The following FBLN7 variants were observed in gnomAD, a reference collection of about 807,000 sequenced individuals.
The protein encoded by FBLN7 is fibulin 7.
A neutral mutation model predicts 44.0 loss-of-function variants in FBLN7; 31 were observed. That is an observed-to-expected ratio of 0.70 (90% CI 0.53 to 0.95). The LOEUF (loss-of-function observed/expected upper bound fraction) is 0.95, where lower values mean the gene tolerates loss of function less well. Ranked by LOEUF, FBLN7 falls within the 40% of genes least tolerant of loss-of-function variation. FBLN7 has a pLI of 0.00. For synonymous variants in FBLN7, 262 were observed against 253.4 expected (o/e 1.03, Z -0.32); for missense variants, 573 against 618.5 (o/e 0.93, Z 0.78).
the FBLN7 span, among the ~76,000 whole-genome samples, chr2:112,235,500 C>G: frequency 6.6e-6 from 1 of 152,166 alleles, no homozygotes; most frequent in Middle Eastern, 3.2e-3. Flanking sequence ...TCAGATTCCT[C>G]ATTCATAAAA....
chr2:112,226,282 A>T, the FBLN7 span, among the ~76,000 whole-genome samples: 3 of 151,852 alleles, frequency 2.0e-5, no homozygotes, highest in Non-Finnish European at 2.9e-5. Flanking sequence ...TGAATCTGTT[A>T]TGTAAAATCT....
At chr2:112,227,953 T>C in the FBLN7 span, among the ~76,000 whole-genome samples, 1 of 151,854 alleles carries the variant, frequency 6.6e-6, no homozygotes, top group African/African-American at 2.4e-5. Flanking sequence ...TTAAAACTTA[T>C]ATGGAAAAGC....
the FBLN7 span, chr2:112,231,821 T>C: frequency 2.4e-5 from 35 of 1,475,556 alleles, 1 homozygote; most frequent in South Asian, 4.3e-4. Context: ...CAAAAGATTA[T>C]TAAAAATTAT....
At chr2:112,161,678 C>T (rs2104569085) in intron 2 of FBLN7, among the ~76,000 whole-genome samples, 1 of 152,344 alleles carries the variant, frequency 6.6e-6, no homozygotes, top group African/African-American at 2.4e-5. Context: ...AGGGCCCTGC[C>T]CATGTGAGAG....
downstream of FBLN7, chr2:112,189,199 C>A (rs978942226): frequency 6.6e-6 from 1 of 152,316 alleles, no homozygotes; most frequent in Non-Finnish European, 1.5e-5. Flanking sequence ...GTCTCCAGAG[C>A]AGGTGCCCTC....
At position 112,164,982 on chromosome 2, in the gene FBLN7, C is replaced by G. The variant is rs149658719; in HGVS notation, c.236-19C>G. The G allele has an allele frequency of 1.5e-5, 24 of 1,610,950 alleles. 1 individual carries two copies. The East Asian group carries it at 4.9e-4, about 33-fold the overall frequency. ...GGTCCAGGATGAGGAGCTCGTAATCCTTCCATCTCTCCTTACAGTTTCCTG... is the reference window on the plus strand; with the variant it reads ...GGTCCAGGATGAGGAGCTCGTAATCGTTCCATCTCTCCTTACAGTTTCCTG... On this transcript the variant is annotated intron_variant, in intron 2 of 7. Coordinates refer to ENST00000331203, the MANE Select transcript of FBLN7 (RefSeq NM_153214.3).
chr2:112,173,968 C>G (rs565124830), intron 3 of FBLN7, among the ~76,000 whole-genome samples: 1 of 152,212 alleles, frequency 6.6e-6, no homozygotes, highest in South Asian at 2.1e-4. Context: ...TCTGCTGCAC[C>G]GATGATCCCC....
the FBLN7 span, among the ~76,000 whole-genome samples, chr2:112,203,362 GCTGT>G: frequency 6.6e-6 from 1 of 152,138 alleles, no homozygotes; most frequent in Non-Finnish European, 1.5e-5. Context: ...CCAATCAAGG[GCTGT>G]CTATTAAGCT....
chr2:112,143,551 T>C (rs1333045227), intron 1 of FBLN7, among the ~76,000 whole-genome samples: 1 of 152,190 alleles, frequency 6.6e-6, no homozygotes, highest in Non-Finnish European at 1.5e-5. Flanking sequence ...TCATGTATAA[T>C]TTCATGATTT....
chr2:112,138,554 C>G lies in FBLN7; in HGVS notation c.-102C>G. The G allele has an allele frequency of 6.6e-7, 1 of 1,507,234 alleles. No homozygotes were observed. Among genetic ancestry groups the G allele is most frequent in the Non-Finnish European group, 9.0e-7 (1 of 1,116,288 alleles). 93.4% of individuals were successfully genotyped at this position (1,507,234 alleles called of 1,614,324 possible). A position where few individuals can be genotyped will look rare whatever the true frequency, so the allele number is the denominator to read the frequency against. On this transcript the variant is annotated 5_prime_UTR_variant, in exon 1 of 8. Transcript: ENST00000331203. ...CCCCAGCCGCCCCCCGGCCGCGCGGCGCCCCGCACCCTGCAGGGACGGCTG... is the reference window on the plus strand; with the variant it reads ...CCCCAGCCGCCCCCCGGCCGCGCGGGGCCCCGCACCCTGCAGGGACGGCTG...
intron 3 of FBLN7, among the ~76,000 whole-genome samples, chr2:112,171,969 G>A (rs539213814): frequency 1.3e-5 from 2 of 152,074 alleles, no homozygotes; most frequent in East Asian, 3.8e-4. Context: ...GGATGGTCTC[G>A]ATCTCCTGAC....
intron 1 of FBLN7, among the ~76,000 whole-genome samples, chr2:112,147,256 G>A (rs1170005290): frequency 6.6e-6 from 1 of 152,020 alleles, no homozygotes; most frequent in Admixed American, 6.5e-5. Flanking sequence ...TTCTTCCCTG[G>A]GGTGAGTTTT....
At chr2:112,231,084 T>C in the FBLN7 span, 1 of 526,220 alleles carries the variant, frequency 1.9e-6, no homozygotes, top group African/African-American at 2.0e-5. Context: ...TTACTACTAC[T>C]ACAGGAACTG....
chr2:112,159,985 A>T (rs952992852), intron 2 of FBLN7, 150 bp downstream of exon 2: 22 of 497,318 alleles, frequency 4.4e-5, no homozygotes, highest in Non-Finnish European at 6.0e-5. Flanking sequence ...TTTATTTATT[A>T]TTTATTTATT....
At chr2:112,220,941 T>G in the FBLN7 span, among the ~76,000 whole-genome samples, 1 of 152,236 alleles carries the variant, frequency 6.6e-6, no homozygotes, top group Non-Finnish European at 1.5e-5. Context: ...ATGAGGATGA[T>G]CTTCTTGTGT....
the FBLN7 span, among the ~76,000 whole-genome samples, chr2:112,218,563 A>G: frequency 1.3e-5 from 2 of 152,340 alleles, no homozygotes; most frequent in African/African-American, 4.8e-5. Flanking sequence ...CCCAAAAAGA[A>G]TAGAATACGG....
intron 3 of FBLN7, among the ~76,000 whole-genome samples, chr2:112,172,450 T>C (rs561995592): frequency 2.8e-4 from 43 of 152,256 alleles, no homozygotes; most frequent in Non-Finnish European, 5.4e-4. Flanking sequence ...CTTATGTCAC[T>C]CTGTGTCTTC....
At chr2:112,181,688 C>T (rs1683002058) in intron 4 of FBLN7, 51 bp from the exon 5 acceptor site, 1 of 1,349,998 alleles carries the variant, frequency 7.4e-7, no homozygotes, top group Non-Finnish European at 9.5e-7. Flanking sequence ...CAAGGTCGGG[C>T]CCACGGCAGG....
chr2:112,177,094 C>G (rs1176174730), intron 4 of FBLN7: 1 of 152,246 alleles, frequency 6.6e-6, no homozygotes, highest in Non-Finnish European at 1.5e-5. Flanking sequence ...TGTCACCACT[C>G]CTGCCTAATA....
Sources: gnomAD v4.1 joint callset for allele counts (sites outside exome capture counted in the v4.1 genomes callset) on GRCh38, gnomAD v4.1.1 for gene constraint, MANE v1.5 for transcripts, NCBI Gene and HGNC (gene_info 2026-07-23, HGNC 2026-07-21) for gene names.